PRKN: variants seen among roughly 807,000 people sequenced by gnomAD.
PRKN encodes E3 ubiquitin-protein ligase parkin.
Under a neutral mutation model 59.5 loss-of-function variants are expected in PRKN, and 56 were observed. That is an observed-to-expected ratio of 0.94 (90% CI 0.76 to 1.18). The LOEUF (loss-of-function observed/expected upper bound fraction) is 1.18, where lower values mean the gene tolerates loss of function less well. PRKN is among the 50% of genes most tolerant of loss of function. PRKN has a pLI of 0.00. For missense variants in PRKN, 657 were observed against 596.4 expected (o/e 1.10, Z -1.06); for synonymous variants, 250 against 222.1 (o/e 1.13, Z -1.12).
intron 6 of PRKN, among the ~76,000 whole-genome samples, chr6:161,816,275 C>T: frequency 6.6e-6 from 1 of 152,028 alleles, no homozygotes; most frequent in East Asian, 1.9e-4. Context: ...CTGGGTAACT[C>T]CACTTCCAAA....
intron 1 of PRKN, among the ~76,000 whole-genome samples, chr6:162,610,738 T>C (rs1782112580): frequency 6.6e-6 from 1 of 152,214 alleles, no homozygotes; most frequent in Non-Finnish European, 1.5e-5. Flanking sequence ...TATTTCATGT[T>C]AGCATTTTTA....
At chr6:162,300,595 C>T (rs569280512) in intron 2 of PRKN, among the ~76,000 whole-genome samples, 10 of 152,060 alleles carry the variant, frequency 6.6e-5, no homozygotes, top group Admixed American at 5.9e-4. Context: ...ATAGAGGAGG[C>T]CTGGAACCAA....
chr6:162,021,457 ATATATTT>A lies in PRKN; in HGVS notation c.618+32627_618+32633del, dbSNP rs1200007101. On this transcript the variant is annotated intron_variant, in intron 5 of 11. Transcript: ENST00000366898. ...ACAGGGAATATATATATATATATAT[ATATATTT>A]TTTTTTTTTTTTTCCTTAAGCTCTT... 6.3e-3 allele frequency among the ~76,000 whole-genome samples: 529 copies of A among 83,742 alleles called. 2 individuals are homozygous for A. Among genetic ancestry groups the A allele is most frequent in the African/African-American group, 0.022 (459 of 20,592 alleles). 54.9% of individuals were successfully genotyped at this position (83,742 alleles called of 152,430 possible).
intron 6 of PRKN, among the ~76,000 whole-genome samples, chr6:161,958,445 G>A (rs1363260387): frequency 6.6e-6 from 1 of 152,062 alleles, no homozygotes; most frequent in Non-Finnish European, 1.5e-5. Context: ...ATTTATATCA[G>A]ATATAATGAG....
At chr6:162,487,653 C>T (rs1357503697) in intron 1 of PRKN, among the ~76,000 whole-genome samples, 1 of 152,094 alleles carries the variant, frequency 6.6e-6, no homozygotes, top group East Asian at 1.9e-4. Context: ...GGTTCCCAGG[C>T]CTTTGAATTT....
chr6:162,307,098 C>T (rs548042776), intron 2 of PRKN, among the ~76,000 whole-genome samples: 2 of 152,096 alleles, frequency 1.3e-5, no homozygotes, highest in Non-Finnish European at 2.9e-5. Context: ...TCTGAAACAG[C>T]AACAACAAAA....
chr6:161,949,341 T>C (rs1440644298), intron 6 of PRKN, among the ~76,000 whole-genome samples: 1 of 152,064 alleles, frequency 6.6e-6, no homozygotes, highest in Non-Finnish European at 1.5e-5. Flanking sequence ...TGAAACCCCA[T>C]CTCTACTAAA....
At chr6:161,962,829 C>A (rs1243115080) in intron 6 of PRKN, among the ~76,000 whole-genome samples, 2 of 151,876 alleles carry the variant, frequency 1.3e-5, no homozygotes, top group African/African-American at 4.8e-5. Flanking sequence ...GCCACCTCAC[C>A]CGGCCGCTCC....
At chr6:161,684,293 A>G (rs1785476098) in intron 7 of PRKN, among the ~76,000 whole-genome samples, 1 of 152,050 alleles carries the variant, frequency 6.6e-6, no homozygotes, top group Non-Finnish European at 1.5e-5. Flanking sequence ...TGAGGGTCTT[A>G]CCATGTTGCC....
At chr6:162,488,295 G>A (rs1260563810) in intron 1 of PRKN, among the ~76,000 whole-genome samples, 4 of 151,992 alleles carry the variant, frequency 2.6e-5, no homozygotes, top group African/African-American at 7.3e-5. Flanking sequence ...TTAAGGAAAC[G>A]CCCCTATGCC....
At chr6:161,374,493 GGT>G (rs1416531189) in intron 10 of PRKN, among the ~76,000 whole-genome samples, 4 of 144,196 alleles carry the variant, frequency 2.8e-5, no homozygotes, top group Admixed American at 1.4e-4. Context: ...TGGTGTGTGT[GGT>G]GTGTGTGATG....
intron 4 of PRKN, among the ~76,000 whole-genome samples, chr6:162,114,675 G>A (rs1780590081): frequency 6.7e-6 from 1 of 148,988 alleles, no homozygotes; most frequent in Non-Finnish European, 1.5e-5. Context: ...CTATCAAAAA[G>A]TGGGCGAAGG....
chr6:161,493,712 G>A (rs1338254094), intron 9 of PRKN, among the ~76,000 whole-genome samples: 1 of 152,230 alleles, frequency 6.6e-6, no homozygotes, highest in Non-Finnish European at 1.5e-5. Flanking sequence ...ATTCCGCATA[G>A]AGCATCTTAG....
At chr6:162,046,573 G>T (rs146053502) in intron 5 of PRKN, among the ~76,000 whole-genome samples, 26 of 152,298 alleles carry the variant, frequency 1.7e-4, no homozygotes, top group African/African-American at 6.0e-4. Context: ...TGCTACAGCC[G>T]CACTGGTTCT....
At position 161,428,682 on chromosome 6, in the gene PRKN, T is replaced by C. The variant is rs1043476460; in HGVS notation, c.1084-41805A>G. 6.6e-6 allele frequency among the ~76,000 whole-genome samples: 1 copy of C among 152,200 alleles called. No homozygotes were observed. Among genetic ancestry groups the C allele is most frequent in the Non-Finnish European group, 1.5e-5 (1 of 68,046 alleles). On this transcript the variant is annotated intron_variant, in intron 9 of 11. Coordinates refer to ENST00000366898, the MANE Select transcript of PRKN (RefSeq NM_004562.3). The surrounding 1 kb of genome is among the most constrained non-coding windows in gnomAD (Gnocchi z 4.0). ...TGCTAAAGAATCAGCAATTCACACATATAATAAAGCTCACAACCAAAAAAA... is the reference window on the plus strand; with the variant it reads ...TGCTAAAGAATCAGCAATTCACACACATAATAAAGCTCACAACCAAAAAAA...
At chr6:161,808,390 A>G (rs947875679) in intron 6 of PRKN, among the ~76,000 whole-genome samples, 2 of 152,208 alleles carry the variant, frequency 1.3e-5, no homozygotes, top group Non-Finnish European at 2.9e-5. Flanking sequence ...AGAGAATATA[A>G]GTTGCTTAAC....
At chr6:162,227,022 C>T (rs999470226) in intron 3 of PRKN, among the ~76,000 whole-genome samples, 6 of 152,186 alleles carry the variant, frequency 3.9e-5, no homozygotes, top group African/African-American at 1.4e-4. Flanking sequence ...GCCTGGCTGG[C>T]TCTCCTGCAA....
intron 2 of PRKN, among the ~76,000 whole-genome samples, chr6:162,266,697 T>C (rs1780153330): frequency 6.6e-6 from 1 of 152,198 alleles, no homozygotes; most frequent in Non-Finnish European, 1.5e-5. Context: ...CTTTCTGCCA[T>C]TGACAATAAT....
intron 4 of PRKN, among the ~76,000 whole-genome samples, chr6:162,095,713 C>T (rs577306176): frequency 2.4e-4 from 37 of 152,186 alleles, no homozygotes; most frequent in Non-Finnish European, 4.9e-4. Context: ...AACTTAATAT[C>T]CAGAAAGAAT....
Sources: allele counts gnomAD v4.1 joint callset (sites outside exome capture counted in the v4.1 genomes callset), GRCh38; gene constraint gnomAD v4.1.1; non-coding constraint Gnocchi (gnomAD v3.1); transcripts MANE v1.5; gene names NCBI Gene and HGNC (gene_info 2026-07-23, HGNC 2026-07-21).